The following ADPRHL1 variants were observed in gnomAD, a reference collection of about 807,000 sequenced individuals.
ADPRHL1 encodes inactive ADP-ribosyltransferase ARH2.
ADPRHL1 carries 43 observed loss-of-function variants against 44.1 expected under a neutral mutation model. That is an observed-to-expected ratio of 0.98 (90% CI 0.76 to 1.26). The LOEUF is 1.26. Ranked by LOEUF, ADPRHL1 falls within the 50% of genes most tolerant of loss-of-function variation. The pLI is 0.00. For synonymous variants in ADPRHL1, 878 were observed against 1,017.4 expected (o/e 0.86, Z 2.61); for missense variants, 2,022 against 2,496.9 (o/e 0.81, Z 4.05).
intron 3 of ADPRHL1, among the ~76,000 whole-genome samples, chr13:113,429,669 A>G (rs1480854652): frequency 4.6e-5 from 7 of 152,228 alleles, no homozygotes; most frequent in Non-Finnish European, 1.5e-5. Flanking sequence ...CTGTGCAGGA[A>G]GAAGGCTGAG....
intron 7 of ADPRHL1, among the ~76,000 whole-genome samples, chr13:113,415,011 AT>A (rs980702184): frequency 2.0e-5 from 3 of 151,548 alleles, no homozygotes; most frequent in Admixed American, 2.0e-4. Context: ...TTCTGTGCCC[AT>A]TTTCCCCTGA....
chr13:113,418,772 T>C (rs980805712), intron 7 of ADPRHL1, among the ~76,000 whole-genome samples: 3 of 152,106 alleles, frequency 2.0e-5, no homozygotes, highest in African/African-American at 4.8e-5. Flanking sequence ...AATGGGCATA[T>C]TCTGGACCCC....
intron 1 of ADPRHL1, among the ~76,000 whole-genome samples, chr13:113,448,404 T>C (rs2139653534): frequency 7.3e-6 from 1 of 136,206 alleles, no homozygotes; most frequent in Middle Eastern, 3.9e-3. Context: ...AGGTGGAGGT[T>C]GCAGTGAGCC....
In ADPRHL1 at chr13:113,407,794, C is replaced by G; in HGVS notation, c.1488G>C (p.Pro496=). The G allele has an allele frequency of 8.1e-7, 1 of 1,232,026 alleles. No homozygotes were observed. Among genetic ancestry groups the G allele is most frequent in the Non-Finnish European group, 1.0e-6 (1 of 988,020 alleles). The allele number at this position is 1,232,026 out of a possible 1,614,324, so 76.3% of individuals were successfully genotyped here. Residue 496 remains proline, a synonymous_variant, in exon 8 of 8, where the codon CCG becomes CCC. Transcript: ENST00000612156. ...CLSEKPRWGH[P]AGKSTVKNIL... ...TGTTTTTCACGGTGCTCTTCCCGGC[C>G]GGGTGGCCCCAGCGGGGCTTCTCGC... is the stretch of plus-strand genomic sequence containing the variant.
chr13:113,410,495 C>T (rs1566466508), intron 7 of ADPRHL1, among the ~76,000 whole-genome samples: 1 of 152,208 alleles, frequency 6.6e-6, no homozygotes, highest in Non-Finnish European at 1.5e-5. Flanking sequence ...AAACTAAACT[C>T]GGAACCTGCT....
rs1259257451 is a variant in ADPRHL1, at chr13:113,428,990, G to A, written c.608C>T (p.Ala203Val). Residue 203 changes from alanine to valine, a missense_variant, in exon 4 of 8, where the codon GCA (alanine) becomes GTA (valine). Ala to Val is a moderately conservative substitution (Grantham distance 64, BLOSUM62 0). Transcript: ENST00000612156. ...GATGGTCTTCCTGCAGTACTCTTCT[G>A]CCAGAGGCACCGCCCGCAGCATGTC... Reference protein sequence around the residue: ...GRDMLRAVPLAEEYCRKTIRH... With the variant: ...GRDMLRAVPLVEEYCRKTIRH... 2.5e-6 allele frequency: 4 copies of A among 1,612,686 alleles called. No individual in the cohort carries two copies. In the East Asian group the frequency reaches 6.7e-5, roughly 27 times the overall value.
rs1004773818 is a variant in ADPRHL1, at chr13:113,405,610, C to T, written c.3672G>A (p.Ala1224=). Residue 1224 remains alanine (A), a synonymous_variant, in exon 8 of 8, where the codon GCG becomes GCA. Transcript: ENST00000612156. ...ATGTGTTTGAAATGTATAATCGGGC[C>T]GCCTCTGGGTGCCGGGCGAGGGCCG... ...DAAALARHPE[A]ARLYISNTSA... 32 of 1,232,592 alleles carry T rather than the reference C, an allele frequency of 2.6e-5. No individual in the cohort carries two copies. The South Asian group carries it at 3.3e-4, about 13-fold the overall frequency. 76.4% of individuals were successfully genotyped at this position (1,232,592 alleles called of 1,614,324 possible). A position where few individuals can be genotyped will look rare whatever the true frequency, so the allele number is the denominator to read the frequency against.
chr13:113,427,725 T>G (rs1204988945), intron 4 of ADPRHL1, among the ~76,000 whole-genome samples: 1 of 152,246 alleles, frequency 6.6e-6, no homozygotes, highest in Admixed American at 6.5e-5. Context: ...TCACGCTTCC[T>G]GAGGACGGCC....
At chr13:113,415,518 C>T (rs1236634336) in intron 7 of ADPRHL1, among the ~76,000 whole-genome samples, 2 of 151,996 alleles carry the variant, frequency 1.3e-5, no homozygotes, top group Admixed American at 6.5e-5. Flanking sequence ...TTTGGGAGGC[C>T]GAGGCAGGCG....
At chr13:113,440,460 T>C (rs1254240307) in intron 2 of ADPRHL1, among the ~76,000 whole-genome samples, 1 of 144,074 alleles carries the variant, frequency 6.9e-6, no homozygotes, top group Non-Finnish European at 1.5e-5. Flanking sequence ...TTTTCCATCT[T>C]TTTTTTTTTT....
chr13:113,407,500 G>A lies in ADPRHL1; in HGVS notation c.1782C>T (p.His594=). The change falls in exon 8 of 8, where the codon CAC becomes CAT. Residue 594 remains histidine (H), a synonymous_variant. Coordinates refer to ENST00000612156, the MANE Select transcript of ADPRHL1 (RefSeq NM_001394807.1). ...CGCAGGTGCTGGCCATGGTGGCCGT[G>A]TGCAGCACGCGCACCTCCGGCCGGT... is the stretch of plus-strand genomic sequence containing the variant. The part of the protein sequence containing the change: ...RMHRPEVRVL[H]TATMASTCVK... 8.1e-7 allele frequency: 1 copy of A among 1,232,136 alleles called. No individual in the cohort carries two copies. The highest frequency in any genetic ancestry group is 3.1e-4 in the Middle Eastern group (1 of 3,206). 76.3% of individuals were successfully genotyped at this position (1,232,136 alleles called of 1,614,324 possible).
Position 113,453,169 on chromosome 13 carries a change from G to C in ADPRHL1, c.214+55C>G. The C allele has an allele frequency of 6.3e-7, 1 of 1,591,588 alleles. No homozygotes were observed. Reference sequence around the variant, plus strand: ...TCTCGGAGGCTTACTGGGAGAACTCGAGCAGCCAGTGTTCCCTCCAGCCCG... The same window carrying C: ...TCTCGGAGGCTTACTGGGAGAACTCCAGCAGCCAGTGTTCCCTCCAGCCCG... On this transcript the variant is annotated intron_variant, in intron 1 of 7. Transcript: ENST00000612156. This position sits in a 1 kb window ranked among gnomAD's most constrained non-coding sequence, Gnocchi z 5.4.
At chr13:113,419,063 CTT>C in intron 7 of ADPRHL1, among the ~76,000 whole-genome samples, 1 of 123,054 alleles carries the variant, frequency 8.1e-6, no homozygotes, top group Admixed American at 9.3e-5. Context: ...CTTCTCCTTC[CTT>C]CACTCCCTCC....
chr13:113,448,221 G>A (rs762345380), intron 1 of ADPRHL1, among the ~76,000 whole-genome samples: 9 of 152,052 alleles, frequency 5.9e-5, no homozygotes, highest in African/African-American at 9.7e-5. Flanking sequence ...GGGGCCGGGT[G>A]CAGTGGCTCA....
In ADPRHL1 at chr13:113,421,389, C is replaced by T. The variant is rs188672203; in HGVS notation, c.1061+1437G>A. On this transcript the variant is annotated intron_variant, in intron 7 of 7. Transcript: ENST00000612156. ...TCTACCCCTGGGACACGCCCACCCC[C>T]GGGACTTGCCCACCCCCAGAACACG... is the stretch of plus-strand genomic sequence containing the variant. 8.7e-3 allele frequency among the ~76,000 whole-genome samples: 1,285 copies of T among 147,026 alleles called. 40 individuals are homozygous for T. The highest frequency in any genetic ancestry group is 0.032 in the African/African-American group (1,224 of 38,824).
chr13:113,450,474 C>T (rs1347006557), intron 1 of ADPRHL1, among the ~76,000 whole-genome samples: 1 of 152,042 alleles, frequency 6.6e-6, no homozygotes, highest in Non-Finnish European at 1.5e-5. Context: ...CAGCTGGGCC[C>T]GGGGGACCAC....
intron 2 of ADPRHL1, among the ~76,000 whole-genome samples, chr13:113,436,899 T>G (rs1161670700): frequency 1.2e-3 from 105 of 85,284 alleles, no homozygotes; most frequent in Middle Eastern, 8.3e-3. Flanking sequence ...GTGTACCCTG[T>G]GACCCAGCAC....
chr13:113,408,880 T>G (rs1595537092), intron 7 of ADPRHL1, among the ~76,000 whole-genome samples: 5 of 92,452 alleles, frequency 5.4e-5, no homozygotes, highest in Admixed American at 1.1e-4. Flanking sequence ...AGGAGGGGGC[T>G]GCAGAGAGGA....
chr13:113,424,946 C>G, intron 5 of ADPRHL1, 106 bp downstream of exon 5: 1 of 1,329,540 alleles, frequency 7.5e-7, no homozygotes. Context: ...ATCCATCTAT[C>G]CATCCATCCA....
Sources: allele counts gnomAD v4.1 joint callset (sites outside exome capture counted in the v4.1 genomes callset), GRCh38; gene constraint gnomAD v4.1.1; non-coding constraint Gnocchi (gnomAD v3.1); transcripts MANE v1.5; gene names NCBI Gene and HGNC (gene_info 2026-07-23, HGNC 2026-07-21).